ARFGEF3: variants seen among roughly 807,000 people sequenced by gnomAD.
The protein encoded by ARFGEF3 is brefeldin A-inhibited guanine nucleotide-exchange protein 3.
Under a neutral mutation model 221.7 loss-of-function variants are expected in ARFGEF3, and 96 were observed. That is an observed-to-expected ratio of 0.43 (90% CI 0.37 to 0.51). ARFGEF3 has a LOEUF of 0.51. ARFGEF3 is among the 20% of genes least tolerant of loss of function. The pLI is 0.00. For missense variants in ARFGEF3, 2,410 were observed against 2,789.9 expected (o/e 0.86, Z 3.07); for synonymous variants, 1,145 against 1,126.8 (o/e 1.02, Z -0.32).
chr6:138,196,669 TAGTA>T (rs1427022174), intron 2 of ARFGEF3, among the ~76,000 whole-genome samples: 3 of 152,206 alleles, frequency 2.0e-5, no homozygotes, highest in Non-Finnish European at 4.4e-5. Flanking sequence ...GTTTCTTCAA[TAGTA>T]AGTTAACTGT....
chr6:138,191,584 A>G (rs536292220), intron 2 of ARFGEF3, among the ~76,000 whole-genome samples: 1 of 152,198 alleles, frequency 6.6e-6, no homozygotes, highest in African/African-American at 2.4e-5. Context: ...AGTTTCATCC[A>G]CTTCCAAGTT....
chr6:138,267,417 C>A (rs555168330), intron 12 of ARFGEF3, among the ~76,000 whole-genome samples: 1 of 152,100 alleles, frequency 6.6e-6, no homozygotes, highest in Non-Finnish European at 1.5e-5. Context: ...AGAGCTACTC[C>A]GCCTCAAAGA....
intron 12 of ARFGEF3, among the ~76,000 whole-genome samples, chr6:138,266,080 G>A (rs754204812): frequency 9.2e-5 from 14 of 152,092 alleles, no homozygotes; most frequent in Non-Finnish European, 1.8e-4. Flanking sequence ...GCCAAGCATG[G>A]TAGTGCACCT....
At chr6:138,311,579 T>TG (rs940986735) in intron 25 of ARFGEF3, 69 bp downstream of exon 25, 17 of 1,064,482 alleles carry the variant, frequency 1.6e-5, no homozygotes, top group East Asian at 2.6e-5. Context: ...AAAACATGCG[T>TG]GGGGGGTCTT....
At chr6:138,317,634 T>G (rs544095250) in intron 27 of ARFGEF3, among the ~76,000 whole-genome samples, 1 of 152,312 alleles carries the variant, frequency 6.6e-6, no homozygotes, top group East Asian at 1.9e-4. Flanking sequence ...GTGTAGGAGC[T>G]CCACATTAAT....
At chr6:138,177,092 T>C (rs1776966246) in intron 2 of ARFGEF3, among the ~76,000 whole-genome samples, 1 of 131,558 alleles carries the variant, frequency 7.6e-6, no homozygotes, top group Non-Finnish European at 1.6e-5. Flanking sequence ...TTTATTTATT[T>C]ATTTATATTT....
intron 2 of ARFGEF3, among the ~76,000 whole-genome samples, chr6:138,174,058 G>A (rs1294298862): frequency 6.6e-6 from 1 of 152,122 alleles, no homozygotes; most frequent in Non-Finnish European, 1.5e-5. Context: ...GCATTCAAAG[G>A]TGTTTTTTTA....
chr6:138,250,570 T>G (rs1467226531), intron 8 of ARFGEF3, among the ~76,000 whole-genome samples: 1 of 152,224 alleles, frequency 6.6e-6, no homozygotes, highest in African/African-American at 2.4e-5. Flanking sequence ...TCAAATCTAT[T>G]TCTAAGGAAA....
At chr6:138,254,790 G>T (rs1778644756) in intron 9 of ARFGEF3, among the ~76,000 whole-genome samples, 1 of 152,194 alleles carries the variant, frequency 6.6e-6, no homozygotes, top group African/African-American at 2.4e-5. Context: ...CAGAAAAACT[G>T]ATGATGATTA....
intron 5 of ARFGEF3, among the ~76,000 whole-genome samples, chr6:138,233,251 G>A (rs558790036): frequency 6.6e-6 from 1 of 152,136 alleles, no homozygotes; most frequent in Admixed American, 6.5e-5. Context: ...TTGTTGCCCT[G>A]GGGAGCTTGA....
intron 2 of ARFGEF3, among the ~76,000 whole-genome samples, chr6:138,198,542 G>GTA (rs1777474183): frequency 6.6e-6 from 1 of 152,198 alleles, no homozygotes; most frequent in Non-Finnish European, 1.5e-5. Context: ...CTGTTTAAAT[G>GTA]TAAAGGACCC....
intron 12 of ARFGEF3, among the ~76,000 whole-genome samples, chr6:138,270,875 G>A (rs1425995793): frequency 6.6e-6 from 1 of 152,202 alleles, no homozygotes; most frequent in Non-Finnish European, 1.5e-5. Context: ...AAAGGACCTG[G>A]CATTGGATGA....
chr6:138,247,020 G>A lies in ARFGEF3; in HGVS notation c.665+1429G>A, dbSNP rs573176960. Among the ~76,000 whole-genome samples the A allele has an allele frequency of 6.7e-3, 1,016 of 152,144 alleles. 28 individuals carry two copies. The highest frequency in any genetic ancestry group is 4.3e-3 in the Non-Finnish European group (290 of 67,994). On this transcript the variant is annotated intron_variant, in intron 8 of 33. Coordinates refer to ENST00000251691, the MANE Select transcript of ARFGEF3 (RefSeq NM_020340.5). ...AAAGTTTATTTTTAAAAATGAAAAAGCCTATATAATACATGGATAGCATAA... is the reference window on the plus strand; with the variant it reads ...AAAGTTTATTTTTAAAAATGAAAAAACCTATATAATACATGGATAGCATAA...
Position 138,319,683 on chromosome 6 carries a change from C to A in ARFGEF3, c.4475-20C>A. 1.9e-6 allele frequency: 3 copies of A among 1,572,630 alleles called. No homozygotes were observed. The highest frequency in any genetic ancestry group is 2.6e-6 in the Non-Finnish European group (3 of 1,160,886). On this transcript the variant is annotated intron_variant, in intron 27 of 33. Transcript: ENST00000251691. The stretch of plus-strand genomic sequence containing the variant: ...TCCCTTTTATTACAGGTTGTTGCTA[C>A]GCTGACTTTTCTTTTTCAGGACCAG...
chr6:138,322,710 G>A (rs1021942565), intron 29 of ARFGEF3, among the ~76,000 whole-genome samples: 1 of 150,982 alleles, frequency 6.6e-6, no homozygotes, highest in African/African-American at 2.4e-5. Flanking sequence ...CAGGAGAATT[G>A]CTTGAACCCG....
At chr6:138,173,182 C>A (rs7766692) in intron 2 of ARFGEF3, among the ~76,000 whole-genome samples, 6,255 of 151,930 alleles carry the variant, frequency 0.041, 144 homozygotes, top group Middle Eastern at 0.086. Flanking sequence ...TGTTTTTCAA[C>A]TTGCTGTCGT....
intron 2 of ARFGEF3, among the ~76,000 whole-genome samples, chr6:138,185,316 G>T (rs145890327): frequency 1.3e-5 from 2 of 152,164 alleles, no homozygotes; most frequent in East Asian, 3.9e-4. Flanking sequence ...CTGTGTTAAG[G>T]GGGCACTGAA....
intron 4 of ARFGEF3, among the ~76,000 whole-genome samples, chr6:138,214,162 T>C (rs1777789582): frequency 6.6e-6 from 1 of 152,168 alleles, no homozygotes; most frequent in South Asian, 2.1e-4. Flanking sequence ...CTTAAATAAG[T>C]CCTTGTTTTG....
At chr6:138,181,700 T>C (rs1777082781) in intron 2 of ARFGEF3, among the ~76,000 whole-genome samples, 1 of 152,208 alleles carries the variant, frequency 6.6e-6, no homozygotes, top group African/African-American at 2.4e-5. Flanking sequence ...CATCTTGGCC[T>C]CCCAAAGTGC....
Sources: allele counts gnomAD v4.1 joint callset (sites outside exome capture counted in the v4.1 genomes callset), GRCh38; gene constraint gnomAD v4.1.1; transcripts MANE v1.5; gene names NCBI Gene and HGNC (gene_info 2026-07-23, HGNC 2026-07-21).